The following GLP2R variants were observed in gnomAD, a reference collection of about 807,000 sequenced individuals.
The protein encoded by GLP2R is glucagon like peptide 2 receptor.
A neutral mutation model predicts 68.2 loss-of-function variants in GLP2R; 59 were observed. The ratio of observed to expected loss-of-function variants is 0.87; its 90% CI spans 0.70 to 1.07. The LOEUF is 1.07. GLP2R is among the 50% of genes least tolerant of loss of function. The pLI is 0.00. For synonymous variants in GLP2R, 270 were observed against 265.4 expected, an observed-to-expected ratio of 1.02 and a Z score of -0.17; for missense variants, 548 against 677.4, an observed-to-expected ratio of 0.81 and a Z score of 2.12.
intron 11 of GLP2R, among the ~76,000 whole-genome samples, chr17:9,886,667 A>G (rs1203443631): frequency 1.3e-5 from 2 of 152,224 alleles, no homozygotes; most frequent in African/African-American, 4.8e-5. Context: ...AAAATTCCAC[A>G]TTCATGGGCA....
At chr17:9,863,317 T>G (rs559134295) in intron 9 of GLP2R, among the ~76,000 whole-genome samples, 6 of 152,346 alleles carry the variant, frequency 3.9e-5, no homozygotes, top group African/African-American at 1.4e-4. Flanking sequence ...GTGCTTTGTG[T>G]ATGAGTGTAT....
chr17:9,881,275 C>G (rs1392413716), intron 11 of GLP2R, among the ~76,000 whole-genome samples: 5 of 151,832 alleles, frequency 3.3e-5, no homozygotes, highest in African/African-American at 9.7e-5. Flanking sequence ...TTCTCAGTGT[C>G]CATGACATTC....
chr17:9,856,615 A>T (rs1196958980), intron 5 of GLP2R, among the ~76,000 whole-genome samples: 1 of 152,208 alleles, frequency 6.6e-6, no homozygotes, highest in Non-Finnish European at 1.5e-5. Context: ...ATGTGCACAG[A>T]TTAACGGATT....
Position 9,882,333 on chromosome 17 carries a change from A to G in GLP2R, c.1284+1817A>G, listed in dbSNP as rs565733317. 1.9e-4 allele frequency among the ~76,000 whole-genome samples: 29 copies of G among 152,340 alleles called. 1 individual carries two copies. The South Asian group carries it at 5.8e-3, about 30-fold the overall frequency. The stretch of plus-strand genomic sequence containing the variant: ...TGTTACAGCCTGAAGTTATCATTCT[A>G]TCTGGGGTGAAAAAACATGCTGATG... On this transcript the variant is annotated intron_variant, in intron 11 of 12. Coordinates refer to ENST00000262441, the MANE Select transcript of GLP2R (RefSeq NM_004246.3).
At chr17:9,875,862 G>A (rs2067138334) in intron 10 of GLP2R, among the ~76,000 whole-genome samples, 1 of 152,176 alleles carries the variant, frequency 6.6e-6, no homozygotes, top group Non-Finnish European at 1.5e-5. Flanking sequence ...CATTTATAAA[G>A]GAGAAGCATT....
chr17:9,841,060 A>G (rs1001708040), intron 3 of GLP2R, among the ~76,000 whole-genome samples: 2 of 144,512 alleles, frequency 1.4e-5, no homozygotes, highest in African/African-American at 2.6e-5. Flanking sequence ...TCTGTCACCC[A>G]GGCTAGAATG....
In GLP2R at chr17:9,889,989, G is replaced by T. The variant is rs1324152572; in HGVS notation, c.*284G>T. 1 of 526,884 alleles carries T rather than the reference G, an allele frequency of 1.9e-6. No individual in the cohort carries two copies. Among genetic ancestry groups the T allele is most frequent in the East Asian group, 4.9e-5 (1 of 20,288 alleles). The allele number at this position is 526,884 out of a possible 1,614,324, so 32.6% of individuals were successfully genotyped here. On this transcript the variant is annotated 3_prime_UTR_variant, in exon 13 of 13. Transcript: ENST00000262441. ...GGCCTGGCTCTAAATTCAAGCCAAT[G>T]AAGTCCCACCATGAAGAGAGGTCTC... is the stretch of plus-strand genomic sequence containing the variant.
intron 11 of GLP2R, among the ~76,000 whole-genome samples, chr17:9,881,573 G>T (rs976469870): frequency 6.8e-6 from 1 of 147,334 alleles, no homozygotes; most frequent in East Asian, 1.9e-4. Flanking sequence ...GTAGAGACGG[G>T]GTTTCACCGT....
intron 4 of GLP2R, among the ~76,000 whole-genome samples, chr17:9,845,882 A>G (rs1329206781): frequency 6.6e-6 from 1 of 152,134 alleles, no homozygotes; most frequent in African/African-American, 2.4e-5. Flanking sequence ...CTAGTAAGTT[A>G]GTCTACTTTC....
intron 4 of GLP2R, among the ~76,000 whole-genome samples, chr17:9,850,458 T>G (rs369062267): frequency 1.3e-5 from 2 of 152,306 alleles, no homozygotes; most frequent in South Asian, 2.1e-4. Flanking sequence ...TTCGTTGAAA[T>G]GCAGGCCATA....
Position 9,889,696 on chromosome 17 carries a change from T to A in GLP2R, c.1653T>A (p.Ser551Arg). 1.9e-6 allele frequency: 3 copies of A among 1,558,312 alleles called. No homozygotes were observed. Among genetic ancestry groups the A allele is most frequent in the Non-Finnish European group, 2.6e-6 (3 of 1,147,802 alleles). Residue 551 changes from serine (S) to arginine (R), a missense_variant, in exon 13 of 13, where the codon AGT becomes AGA. Ser to Arg is a moderately radical substitution (Grantham distance 110). Coordinates refer to ENST00000262441, the MANE Select transcript of GLP2R (RefSeq NM_004246.3). ...CCATGGAGGAGATTCTGGAAGAGAG[T>A]GAGATCTAGGGTGGAGTTCCACCAC... Reference protein sequence around the residue: ...ANTMEEILEESEI With the variant: ...ANTMEEILEEREI
Position 9,859,961 on chromosome 17 carries a change from C to A in GLP2R, c.785C>A (p.Ser262Ter). The A allele has an allele frequency of 1.2e-6, 2 of 1,608,950 alleles. No individual in the cohort carries two copies. The highest frequency in any genetic ancestry group is 2.2e-5 in the South Asian group (2 of 90,312). The change falls in exon 7 of 13, where the codon TCA (serine) becomes TAA (stop). Residue 262 changes from serine to a stop codon, truncating the protein, a stop_gained. Transcript: ENST00000262441. LOFTEE classifies it high-confidence loss of function. ...CTGCAGATGTCCACCTCCTGCCGCT[C>A]AGTCCAGGTTCTCTTGCATTACTTT... is the stretch of plus-strand genomic sequence containing the variant. ...YLSEMSTSCR[S>*]VQVLLHYFVG... is the part of the protein sequence containing the mutation.
chr17:9,882,267 T>G (rs2067203916), intron 11 of GLP2R, among the ~76,000 whole-genome samples: 1 of 152,186 alleles, frequency 6.6e-6, no homozygotes, highest in South Asian at 2.1e-4. Context: ...CATTGCCAGA[T>G]ACAGTGGCCG....
chr17:9,890,277 C>T lies in GLP2R; in HGVS notation c.*572C>T. 1 of 338,078 alleles carries T rather than the reference C, an allele frequency of 3.0e-6. No homozygotes were observed. The highest frequency in any genetic ancestry group is 5.8e-6 in the Non-Finnish European group (1 of 173,016). The allele number at this position is 338,078 out of a possible 1,614,324, so 20.9% of individuals were successfully genotyped here. On this transcript the variant is annotated 3_prime_UTR_variant, in exon 13 of 13. Coordinates refer to ENST00000262441, the MANE Select transcript of GLP2R (RefSeq NM_004246.3). ...GGGTGAGAGGGAGCTAGAAGCGCCC[C>T]CATGTGGCCATGGCAGGATGCTGCA...
At chr17:9,849,605 T>C (rs566057016) in intron 4 of GLP2R, among the ~76,000 whole-genome samples, 1 of 115,138 alleles carries the variant, frequency 8.7e-6, no homozygotes, top group South Asian at 2.9e-4. Context: ...CTTTTTCTCT[T>C]TCTTTTTTTT....
At chr17:9,871,522 TC>T (rs1367277389) in intron 10 of GLP2R, among the ~76,000 whole-genome samples, 1 of 152,066 alleles carries the variant, frequency 6.6e-6, no homozygotes, top group African/African-American at 2.4e-5. Flanking sequence ...AGGAAAGACA[TC>T]CTTCCACAGG....
intron 5 of GLP2R, 33 bp downstream of exon 5, chr17:9,854,634 C>A (rs1475210320): frequency 2.4e-6 from 3 of 1,229,694 alleles, no homozygotes; most frequent in South Asian, 1.2e-5. Flanking sequence ...TGTGTTCGGG[C>A]AGGTATAGTA....
intron 5 of GLP2R, 81 bp from the exon 6 acceptor site, chr17:9,857,342 T>C: frequency 8.1e-7 from 1 of 1,237,606 alleles, no homozygotes; most frequent in Non-Finnish European, 1.2e-6. Flanking sequence ...TAGTGATAGA[T>C]ACACAGGCAT....
chr17:9,867,996 C>T (rs781124526), intron 9 of GLP2R, among the ~76,000 whole-genome samples: 5 of 152,198 alleles, frequency 3.3e-5, no homozygotes, highest in Admixed American at 6.5e-5. Context: ...TAAAGTGTGA[C>T]TCTCCCTGTA....
Sources: allele counts gnomAD v4.1 joint callset (sites outside exome capture counted in the v4.1 genomes callset), GRCh38; gene constraint gnomAD v4.1.1; transcripts MANE v1.5; gene names NCBI Gene and HGNC (gene_info 2026-07-23, HGNC 2026-07-21).